INSR: variants seen among roughly 807,000 people sequenced by gnomAD.
INSR encodes IR.
A neutral mutation model predicts 142.6 loss-of-function variants in INSR; 67 were observed. The ratio of observed to expected loss-of-function variants is 0.47; its 90% CI spans 0.39 to 0.58. The LOEUF is 0.58. INSR is among the 20% of genes least tolerant of loss of function. The pLI, the probability that INSR is intolerant of heterozygous loss-of-function variation, is 0.00. For missense variants in INSR, 1,248 were observed against 1,833.2 expected (o/e 0.68, Z 5.83); for synonymous variants, 756 against 743.1 (o/e 1.02, Z -0.28).
intron 2 of INSR, among the ~76,000 whole-genome samples, chr19:7,255,035 C>G (rs966651950): frequency 6.6e-6 from 1 of 151,566 alleles, no homozygotes; most frequent in Admixed American, 6.6e-5. Context: ...GGTCCCCGCA[C>G]CCACCCGCTC....
rs1967806895 is a variant in INSR, at chr19:7,268,380, C to T, written c.101-484G>A. The T allele has an allele frequency of 3.1e-6, 3 of 961,988 alleles. No individual in the cohort carries two copies. The African/African-American group carries it at 5.3e-5, about 17-fold the overall frequency. The allele number at this position is 961,988 out of a possible 1,614,324, so 59.6% of individuals were successfully genotyped here. ...TGACTTTCCTTCCCGGACTGCTCTC[C>T]TGACCTGCAATCAAGACCTAATTAC... On this transcript the variant is annotated intron_variant, in intron 1 of 21. Coordinates refer to ENST00000302850, the MANE Select transcript of INSR (RefSeq NM_000208.4).
intron 2 of INSR, 151 bp from the exon 3 acceptor site, chr19:7,184,788 G>A (rs1974385201): frequency 9.9e-6 from 5 of 503,482 alleles, no homozygotes; most frequent in East Asian, 3.8e-5. Context: ...CAGTAAAAGC[G>A]GCACGTCTAC....
At chr19:7,235,467 C>A (rs540967904) in intron 2 of INSR, among the ~76,000 whole-genome samples, 1 of 152,130 alleles carries the variant, frequency 6.6e-6, no homozygotes, top group Non-Finnish European at 1.5e-5. Context: ...CTAGAGCTTA[C>A]GGAAGATTTT....
intron 13 of INSR, among the ~76,000 whole-genome samples, chr19:7,140,648 A>G (rs1440944041): frequency 6.6e-6 from 1 of 152,142 alleles, no homozygotes; most frequent in Non-Finnish European, 1.5e-5. Flanking sequence ...CCCAAGAGGT[A>G]TATTATTTTT....
intron 11 of INSR, among the ~76,000 whole-genome samples, chr19:7,145,723 C>A (rs555556008): frequency 5.3e-5 from 8 of 152,338 alleles, no homozygotes; most frequent in Admixed American, 2.6e-4. Flanking sequence ...CATAGTTTGC[C>A]TACCCTTGAG....
Position 7,117,419 on chromosome 19 carries a change from CAGA to C in INSR, c.3795-12_3795-10del. 3 of 1,605,124 alleles carry C rather than the reference CAGA, an allele frequency of 1.9e-6. No homozygotes were observed. The highest frequency in any genetic ancestry group is 1.7e-6 in the Non-Finnish European group (2 of 1,172,984). ...TGCGCATGAGGTCAGTGCTGCGGGG[CAGA>C]AGGACACGTCCTGGGTGAGTCTGGG... On this transcript the variant is annotated splice_polypyrimidine_tract_variant and intron_variant, in intron 21 of 21. Coordinates refer to ENST00000302850, the MANE Select transcript of INSR (RefSeq NM_000208.4).
chr19:7,115,910 G>A lies in INSR; in HGVS notation c.*1146C>T, dbSNP rs543466059. The A allele has an allele frequency of 8.5e-4, 130 of 152,188 alleles. No individual in the cohort carries two copies. Among genetic ancestry groups the A allele is most frequent in the African/African-American group, 2.9e-3 (121 of 41,486 alleles). 9.4% of individuals were successfully genotyped at this position (152,188 alleles called of 1,614,324 possible). A position where few individuals can be genotyped will look rare whatever the true frequency, so the allele number is the denominator to read the frequency against. ...GGATGCCTTTAAGACCAAACAAAGA[G>A]GCCACTTGTGCCTGACTCCCTCCCC... On this transcript the variant is annotated 3_prime_UTR_variant, in exon 22 of 22. Coordinates refer to ENST00000302850, the MANE Select transcript of INSR (RefSeq NM_000208.4).
intron 13 of INSR, among the ~76,000 whole-genome samples, chr19:7,134,480 T>C (rs909917224): frequency 2.6e-5 from 4 of 151,832 alleles, no homozygotes; most frequent in South Asian, 2.1e-4. Context: ...ATAAAAACAG[T>C]TGAAGCCCGG....
rs372970591 is a variant in INSR at position 7,208,668 on chromosome 19, G to A, written c.653-24031C>T. 5.9e-5 allele frequency among the ~76,000 whole-genome samples: 9 copies of A among 152,220 alleles called. No homozygotes were observed. The South Asian group carries it at 1.5e-3, about 25-fold the overall frequency. ...GTGGATCGCTTGAGCCCAGGAGCTC[G>A]AGACCAGCTTAGATAACATGGCAAA... is the stretch of plus-strand genomic sequence containing the variant. On this transcript the variant is annotated intron_variant, in intron 2 of 21. Coordinates refer to ENST00000302850, the MANE Select transcript of INSR (RefSeq NM_000208.4).
At chr19:7,242,799 A>C (rs1392868473) in intron 2 of INSR, among the ~76,000 whole-genome samples, 1 of 152,008 alleles carries the variant, frequency 6.6e-6, no homozygotes, top group East Asian at 1.9e-4. Context: ...GAAACCAAAA[A>C]TATTTGCATG....
chr19:7,201,684 T>A (rs1286265452), intron 2 of INSR, among the ~76,000 whole-genome samples: 1 of 142,898 alleles, frequency 7.0e-6, no homozygotes, highest in Non-Finnish European at 1.5e-5. Context: ...TTTTTTTGAG[T>A]TGGAGTCTCA....
At chr19:7,163,270 G>T (rs1973804805) in intron 8 of INSR, 71 bp from the exon 9 acceptor site, 4 of 1,456,184 alleles carry the variant, frequency 2.7e-6, no homozygotes, top group Non-Finnish European at 3.8e-6. Flanking sequence ...GAGGATGGCG[G>T]GGGACACACA....
At chr19:7,199,082 C>T (rs933574130) in intron 2 of INSR, among the ~76,000 whole-genome samples, 1 of 151,986 alleles carries the variant, frequency 6.6e-6, no homozygotes, top group Non-Finnish European at 1.5e-5. Flanking sequence ...CATGGGGACT[C>T]GTTGCCCAGG....
chr19:7,119,715 C>T lies in INSR; in HGVS notation c.3660-132G>A, dbSNP rs145880723. 503 of 967,886 alleles carry T rather than the reference C, an allele frequency of 5.2e-4. 3 individuals carry two copies. In the African/African-American group the frequency reaches 6.9e-3, roughly 13 times the overall value. The allele number at this position is 967,886 out of a possible 1,614,324, so 60.0% of individuals were successfully genotyped here. A position where few individuals can be genotyped will look rare whatever the true frequency, so the allele number is the denominator to read the frequency against. ...ATGCCAACACATACATGCAAACACA[C>T]ACATGCAAACACACACGCACATACA... is the stretch of plus-strand genomic sequence containing the variant. On this transcript the variant is annotated intron_variant, in intron 20 of 21. Coordinates refer to ENST00000302850, the MANE Select transcript of INSR (RefSeq NM_000208.4). The surrounding 1 kb of genome is among the most constrained non-coding windows in gnomAD (Gnocchi z 5.2).
At position 7,225,777 on chromosome 19, in the gene INSR, C is replaced by T. The variant is rs1975761514; in HGVS notation, c.653-41140G>A. Among the ~76,000 whole-genome samples, 1 of 152,164 alleles carries T rather than the reference C, an allele frequency of 6.6e-6. No homozygotes were observed. The highest frequency in any genetic ancestry group is 2.4e-5 in the African/African-American group (1 of 41,452). On this transcript the variant is annotated intron_variant, in intron 2 of 21. Transcript: ENST00000302850. The surrounding 1 kb of genome is among the most constrained non-coding windows in gnomAD (Gnocchi z 4.7). ...ATTCCAGCACCCTGGTCCAGGGGTC[C>T]TCAAATGGAGGCGATTCTGCCCACC...
chr19:7,210,293 C>T lies in INSR; in HGVS notation c.653-25656G>A, dbSNP rs138091368. On this transcript the variant is annotated intron_variant, in intron 2 of 21. Coordinates refer to ENST00000302850, the MANE Select transcript of INSR (RefSeq NM_000208.4). ...CCAGGAGGTGGAGGTTGCAGTGAGC[C>T]GAGATTGAGCCATTGCACTGCAGCC... is the stretch of plus-strand genomic sequence containing the variant. Among the ~76,000 whole-genome samples, 322 of 145,474 alleles carry T rather than the reference C, an allele frequency of 2.2e-3. 3 individuals are homozygous for T. Among genetic ancestry groups the T allele is most frequent in the African/African-American group, 7.8e-3 (311 of 40,070 alleles).
chr19:7,199,107 C>T (rs1286937174), intron 2 of INSR, among the ~76,000 whole-genome samples: 4 of 152,014 alleles, frequency 2.6e-5, no homozygotes, highest in Non-Finnish European at 5.9e-5. Flanking sequence ...TTTAGAACTC[C>T]TGGCCTCAAG....
At chr19:7,184,060 C>CGAAAAAAAAAAAAAAA (rs1974347631) in intron 3 of INSR, among the ~76,000 whole-genome samples, 1 of 85,152 alleles carries the variant, frequency 1.2e-5, no homozygotes, top group Non-Finnish European at 2.2e-5. Context: ...GACTCCATCT[C>CGAAAAAAAAAAAAAAA]AAAAAAAAAA....
chr19:7,131,077 AC>A (rs2144828658), intron 14 of INSR, among the ~76,000 whole-genome samples: 1 of 151,000 alleles, frequency 6.6e-6, no homozygotes, highest in African/African-American at 2.4e-5. Flanking sequence ...ATGGGGTTTC[AC>A]CATGTTGGTC....
Sources: gnomAD v4.1 joint callset for allele counts (sites outside exome capture counted in the v4.1 genomes callset) on GRCh38, gnomAD v4.1.1 for gene constraint, Gnocchi (gnomAD v3.1) non-coding constraint, MANE v1.5 for transcripts, NCBI Gene and HGNC (gene_info 2026-07-23, HGNC 2026-07-21) for gene names.